AGTPBP1: variants seen among roughly 807,000 people sequenced by gnomAD.
The protein encoded by AGTPBP1 is cytosolic carboxypeptidase 1.
A neutral mutation model predicts 143.9 loss-of-function variants in AGTPBP1; 70 were observed. That is an observed-to-expected ratio of 0.49 (90% CI 0.40 to 0.59). The LOEUF (loss-of-function observed/expected upper bound fraction) is 0.59. Ranked by LOEUF, AGTPBP1 falls within the 20% of genes least tolerant of loss-of-function variation. AGTPBP1 has a pLI of 0.00. For missense variants in AGTPBP1, 1,229 were observed against 1,464.5 expected (o/e 0.84, Z 2.62); for synonymous variants, 463 against 500.2 (o/e 0.93, Z 0.99).
the AGTPBP1 span, among the ~76,000 whole-genome samples, chr9:85,764,526 A>C: frequency 6.6e-6 from 1 of 152,166 alleles, no homozygotes; most frequent in African/African-American, 2.4e-5. Context: ...GCAAAACTCC[A>C]TGTCAAAAAC....
At chr9:85,578,835 T>C in intron 24 of AGTPBP1, 85 bp downstream of exon 24, 1 of 1,330,392 alleles carries the variant, frequency 7.5e-7, no homozygotes, top group Non-Finnish European at 1.0e-6. Flanking sequence ...AAACATCATT[T>C]AATATATACT....
chr9:85,630,541 A>G (rs1465314840), intron 14 of AGTPBP1, among the ~76,000 whole-genome samples: 1 of 152,002 alleles, frequency 6.6e-6, no homozygotes, highest in African/African-American at 2.4e-5. Flanking sequence ...GTGCAGTGGC[A>G]CGATCACGGC....
chr9:85,583,317 G>A (rs1279048028), intron 23 of AGTPBP1, among the ~76,000 whole-genome samples: 5 of 152,140 alleles, frequency 3.3e-5, no homozygotes, highest in Admixed American at 2.0e-4. Flanking sequence ...TAAAATTATG[G>A]GAAATACTCC....
At chr9:85,692,323 G>C (rs1181776752) in intron 3 of AGTPBP1, among the ~76,000 whole-genome samples, 1 of 150,678 alleles carries the variant, frequency 6.6e-6, no homozygotes, top group East Asian at 1.9e-4. Context: ...GCCCAGGCTG[G>C]AGTGCAGTGG....
Position 85,618,927 on chromosome 9 carries a change from T to C in AGTPBP1, c.2335+56A>G, listed in dbSNP as rs1195762812. The stretch of plus-strand genomic sequence containing the variant: ...TGACAATTTTTTTAAAAAAACTTCT[T>C]TTCCACAGTTAAGATGCCTGCATGC... On this transcript the variant is annotated intron_variant, in intron 17 of 25. Coordinates refer to ENST00000357081, the MANE Select transcript of AGTPBP1 (RefSeq NM_001330701.2). The C allele has an allele frequency of 1.1e-5, 17 of 1,499,644 alleles. No individual in the cohort carries two copies. In the Admixed American group the frequency reaches 4.2e-4, roughly 37 times the overall value. 92.9% of individuals were successfully genotyped at this position (1,499,644 alleles called of 1,614,324 possible).
chr9:85,784,515 C>T, the AGTPBP1 span, among the ~76,000 whole-genome samples: 1 of 152,072 alleles, frequency 6.6e-6, no homozygotes, highest in Non-Finnish European at 1.5e-5. Flanking sequence ...TTGAGCAATC[C>T]TCCCACCTCA....
Position 85,632,839 on chromosome 9 carries a change from T to C in AGTPBP1, c.1838A>G (p.Gln613Arg). ...TCCATCAGGTACTTCAACCGATGCT[T>C]GTTCTACCGATGAATTTGACTCAGT... ...EDTESNSSVE[Q>R]ASVEVPDGPT... is the part of the protein sequence containing the mutation. Residue 613 changes from glutamine (Q) to arginine (R), a missense_variant, in exon 14 of 26, where the codon CAA becomes CGA. This residue lies in a region of AGTPBP1 where 743 missense variants were observed against 812.2 expected (regional missense o/e 0.91). Coordinates refer to ENST00000357081, the MANE Select transcript of AGTPBP1 (RefSeq NM_001330701.2). 1 of 1,614,166 alleles carries C rather than the reference T, an allele frequency of 6.2e-7. No homozygotes were observed. Among genetic ancestry groups the C allele is most frequent in the Non-Finnish European group, 8.5e-7 (1 of 1,180,022 alleles).
intron 25 of AGTPBP1, among the ~76,000 whole-genome samples, chr9:85,565,530 G>A (rs1006542218): frequency 2.0e-5 from 3 of 152,168 alleles, no homozygotes; most frequent in Admixed American, 2.0e-4. Context: ...CAAGGACAAA[G>A]AAGGGATCCA....
At chr9:85,625,045 G>C (rs1831185668) in intron 14 of AGTPBP1, among the ~76,000 whole-genome samples, 1 of 152,226 alleles carries the variant, frequency 6.6e-6, no homozygotes, top group Non-Finnish European at 1.5e-5. Flanking sequence ...ATAGGCACTT[G>C]AGTTGTATCC....
At chr9:85,617,170 T>G (rs2133500281) in intron 17 of AGTPBP1, among the ~76,000 whole-genome samples, 1 of 152,256 alleles carries the variant, frequency 6.6e-6, no homozygotes, top group South Asian at 2.1e-4. Flanking sequence ...AGCTTTAATT[T>G]TCAGAAATGT....
chr9:85,634,979 A>G (rs1012057434), intron 13 of AGTPBP1, among the ~76,000 whole-genome samples: 1 of 152,188 alleles, frequency 6.6e-6, no homozygotes, highest in African/African-American at 2.4e-5. Flanking sequence ...AATGTGGTAG[A>G]TAAGAAATAT....
chr9:85,630,511 G>C (rs1293508237), intron 14 of AGTPBP1, among the ~76,000 whole-genome samples: 1 of 151,626 alleles, frequency 6.6e-6, no homozygotes, highest in Non-Finnish European at 1.5e-5. Flanking sequence ...ACAGAGTCTT[G>C]CTCTGTCACC....
At chr9:85,620,363 G>A (rs981443090) in intron 15 of AGTPBP1, among the ~76,000 whole-genome samples, 47 of 148,524 alleles carry the variant, frequency 3.2e-4, no homozygotes, top group African/African-American at 3.5e-4. Context: ...ACAGTGGGCC[G>A]AGATTACACC....
chr9:85,775,081 T>C, the AGTPBP1 span, among the ~76,000 whole-genome samples: 1 of 152,044 alleles, frequency 6.6e-6, no homozygotes, highest in East Asian at 1.9e-4. Context: ...GTCAAGAGGA[T>C]TGCTTGAGCC....
At chr9:85,595,871 C>T (rs1419020814) in intron 18 of AGTPBP1, among the ~76,000 whole-genome samples, 2 of 152,152 alleles carry the variant, frequency 1.3e-5, no homozygotes, top group East Asian at 3.8e-4. Context: ...CACATATTTA[C>T]AGTCAAAGAT....
Position 85,633,206 on chromosome 9 carries a change from T to G in AGTPBP1, c.1471A>C (p.Lys491Gln). 6.2e-7 allele frequency: 1 copy of G among 1,613,532 alleles called. No individual in the cohort carries two copies. Among genetic ancestry groups the G allele is most frequent in the Non-Finnish European group, 8.5e-7 (1 of 1,179,890 alleles). ...ISSKGDEGEK[K>Q]STFMDLAKED... is the part of the protein sequence containing the mutation. The stretch of plus-strand genomic sequence containing the variant: ...TTTGCTAGATCCATAAAGGTAGACT[T>G]CTTTTCACCTTCATCTCCTTTAGAA... Residue 491 changes from lysine to glutamine, a missense_variant, in exon 14 of 26, where the codon AAG becomes CAG. This residue lies in a region of AGTPBP1 where 743 missense variants were observed against 812.2 expected (regional missense o/e 0.91). Transcript: ENST00000357081.
intron 25 of AGTPBP1, among the ~76,000 whole-genome samples, chr9:85,555,955 A>G (rs1386841781): frequency 6.6e-6 from 1 of 152,184 alleles, no homozygotes; most frequent in East Asian, 1.9e-4. Context: ...TATGGAGTTC[A>G]GTTCAACAAA....
At chr9:85,686,377 A>C (rs1256940104) in intron 3 of AGTPBP1, among the ~76,000 whole-genome samples, 1 of 152,098 alleles carries the variant, frequency 6.6e-6, no homozygotes, top group Non-Finnish European at 1.5e-5. Flanking sequence ...ACTTTCCATA[A>C]TTATAAAGGG....
At chr9:85,662,971 A>T (rs1398996518) in intron 8 of AGTPBP1, among the ~76,000 whole-genome samples, 1 of 152,148 alleles carries the variant, frequency 6.6e-6, no homozygotes, top group Non-Finnish European at 1.5e-5. Flanking sequence ...CAAAAATGAG[A>T]TGGGCCCTAC....
Sources: allele counts gnomAD v4.1 joint callset (sites outside exome capture counted in the v4.1 genomes callset), GRCh38; gene constraint gnomAD v4.1.1; regional missense constraint gnomAD v4.1.1; transcripts MANE v1.5; gene names NCBI Gene and HGNC (gene_info 2026-07-23, HGNC 2026-07-21).